NRXN3: variants seen among roughly 807,000 people sequenced by gnomAD.
NRXN3 encodes neurexin 3.
In NRXN3, 32 loss-of-function variants were observed where a neutral mutation model predicts 137.6. The ratio of observed to expected loss-of-function variants is 0.23; its 90% CI spans 0.18 to 0.31. The LOEUF (loss-of-function observed/expected upper bound fraction) is 0.31. Among genes scored for constraint, NRXN3 ranks in the 10% least tolerant of loss-of-function variants. The pLI is 1.00. For synonymous variants in NRXN3, 798 were observed against 784.5 expected, an observed-to-expected ratio of 1.02 and a Z score of -0.29; for missense variants, 1,574 against 2,062.5, an observed-to-expected ratio of 0.76 and a Z score of 4.59.
chr14:78,703,937 A>C (rs1170276468), intron 6 of NRXN3: 1 of 152,236 alleles, frequency 6.6e-6, no homozygotes, highest in Non-Finnish European at 1.5e-5. Context: ...CCAAGAAGCC[A>C]TCTGGGCACT....
At chr14:78,783,370 G>T (rs186800022) in intron 8 of NRXN3, among the ~76,000 whole-genome samples, 1 of 152,232 alleles carries the variant, frequency 6.6e-6, no homozygotes, top group East Asian at 1.9e-4. Flanking sequence ...TCTTTAAAAA[G>T]ACATGAAAGA....
At chr14:79,448,864 A>C (rs565807851) in intron 15 of NRXN3, among the ~76,000 whole-genome samples, 44 of 152,194 alleles carry the variant, frequency 2.9e-4, no homozygotes, top group Non-Finnish European at 5.1e-4. Flanking sequence ...AGCCCTCTAG[A>C]TTGTAGAAGC....
chr14:78,820,764 C>T (rs1309923889), intron 10 of NRXN3, among the ~76,000 whole-genome samples: 1 of 152,076 alleles, frequency 6.6e-6, no homozygotes, highest in Non-Finnish European at 1.5e-5. Flanking sequence ...TCTAAGTGTC[C>T]TTCCTAAATG....
intron 4 of NRXN3, among the ~76,000 whole-genome samples, chr14:78,354,230 G>C (rs1157979681): frequency 6.6e-6 from 1 of 152,202 alleles, no homozygotes; most frequent in East Asian, 1.9e-4. Flanking sequence ...GAGTTTGGAA[G>C]AGAAAATGGC....
intron 15 of NRXN3, among the ~76,000 whole-genome samples, chr14:79,399,756 A>G (rs1298876718): frequency 3.3e-5 from 5 of 152,220 alleles, no homozygotes; most frequent in Non-Finnish European, 7.3e-5. Flanking sequence ...ACAAATTGTG[A>G]AAAACTGTGG....
chr14:78,798,686 C>T (rs996564591), intron 8 of NRXN3, among the ~76,000 whole-genome samples: 4 of 152,230 alleles, frequency 2.6e-5, no homozygotes, highest in East Asian at 3.9e-4. Flanking sequence ...GAGGGCTCTG[C>T]CCCTGGAGCC....
At chr14:79,401,072 G>A (rs1023418795) in intron 15 of NRXN3, among the ~76,000 whole-genome samples, 1 of 152,182 alleles carries the variant, frequency 6.6e-6, no homozygotes, top group Non-Finnish European at 1.5e-5. Context: ...GCTGCCCAGG[G>A]AACTAGTGTC....
chr14:78,565,120 A>C (rs529816341), intron 4 of NRXN3, among the ~76,000 whole-genome samples: 4 of 152,322 alleles, frequency 2.6e-5, no homozygotes, highest in Middle Eastern at 3.4e-3. Context: ...TTTGATTCTA[A>C]GATAGTTCCT....
At chr14:79,823,945 T>A (rs1307551649) in intron 20 of NRXN3, 1 of 444,720 alleles carries the variant, frequency 2.2e-6, no homozygotes, top group East Asian at 7.1e-5. Context: ...GCAGCAGCAG[T>A]GGGCACAAGC....
At chr14:79,188,586 C>T (rs2063823496) in intron 15 of NRXN3, among the ~76,000 whole-genome samples, 1 of 152,132 alleles carries the variant, frequency 6.6e-6, no homozygotes, top group Admixed American at 6.5e-5. Context: ...TTCAAACTCC[C>T]CAGAGGGGAC....
intron 9 of NRXN3, among the ~76,000 whole-genome samples, chr14:78,809,269 C>A (rs2098895987): frequency 6.6e-6 from 1 of 152,142 alleles, no homozygotes; most frequent in Non-Finnish European, 1.5e-5. Context: ...CTCCCTTTCC[C>A]ATTTAAAAAA....
At chr14:79,356,051 T>C (rs1005020418) in intron 15 of NRXN3, among the ~76,000 whole-genome samples, 3 of 152,190 alleles carry the variant, frequency 2.0e-5, no homozygotes, top group African/African-American at 7.2e-5. Context: ...ATATTTTTCC[T>C]CCTATTAATC....
chr14:78,612,001 T>G (rs1225658838), intron 4 of NRXN3, among the ~76,000 whole-genome samples: 5 of 152,190 alleles, frequency 3.3e-5, no homozygotes, highest in African/African-American at 7.2e-5. Flanking sequence ...TCATGAAATC[T>G]TGGTATGCAG....
chr14:78,379,717 C>T (rs1407228302), intron 4 of NRXN3, among the ~76,000 whole-genome samples: 1 of 152,302 alleles, frequency 6.6e-6, no homozygotes, highest in South Asian at 2.1e-4. Context: ...ACTGCTCTCT[C>T]AGCTCTTATT....
At chr14:79,108,363 C>G (rs2052840835) in intron 15 of NRXN3, among the ~76,000 whole-genome samples, 1 of 152,136 alleles carries the variant, frequency 6.6e-6, no homozygotes, top group African/African-American at 2.4e-5. Context: ...AACTTCAAGA[C>G]TATATCCATC....
intron 19 of NRXN3, among the ~76,000 whole-genome samples, chr14:79,699,192 G>GA (rs947937619): frequency 1.5e-4 from 22 of 151,650 alleles, no homozygotes; most frequent in Admixed American, 2.6e-4. Flanking sequence ...ATGCTCACGA[G>GA]AAAAAAAATA....
chr14:78,673,769 A>C (rs2152722513), intron 6 of NRXN3, among the ~76,000 whole-genome samples: 1 of 152,248 alleles, frequency 6.6e-6, no homozygotes, highest in South Asian at 2.1e-4. Flanking sequence ...TCATGATCTA[A>C]TTAGAACCAA....
chr14:78,553,080 G>A (rs2096707686), intron 4 of NRXN3, among the ~76,000 whole-genome samples: 1 of 152,192 alleles, frequency 6.6e-6, no homozygotes, highest in African/African-American at 2.4e-5. Context: ...ACAACCTTAT[G>A]AAGTAAATGC....
intron 15 of NRXN3, among the ~76,000 whole-genome samples, chr14:79,264,825 A>C (rs920075544): frequency 1.3e-5 from 2 of 152,182 alleles, no homozygotes; most frequent in Non-Finnish European, 2.9e-5. Context: ...AGTCTATCAA[A>C]AATTAGAATG....
Sources: allele counts gnomAD v4.1 joint callset (sites outside exome capture counted in the v4.1 genomes callset), GRCh38; gene constraint gnomAD v4.1.1; transcripts MANE v1.5; gene names NCBI Gene and HGNC (gene_info 2026-07-23, HGNC 2026-07-21).